Variants in OXSR1 observed in about 807,000 individuals in gnomAD.
OXSR1 encodes the protein serine/threonine-protein kinase OSR1.
OXSR1 carries 24 observed loss-of-function variants against 79.8 expected under a neutral mutation model. The ratio of observed to expected loss-of-function variants is 0.30; its 90% confidence interval spans 0.22 to 0.42. The LOEUF (loss-of-function observed/expected upper bound fraction) is 0.42, where lower values mean the gene tolerates loss of function less well. Ranked by LOEUF, OXSR1 falls within the 10% of genes least tolerant of loss-of-function variation. The pLI, the probability that OXSR1 is intolerant of heterozygous loss-of-function variation, is 1.00. For synonymous variants in OXSR1, 226 were observed against 209.2 expected (o/e 1.08, Z -0.69); for missense variants, 430 against 618.4 (o/e 0.70, Z 3.23).
chr3:38,184,118 G>T (rs138486229), intron 2 of OXSR1, among the ~76,000 whole-genome samples: 37 of 152,220 alleles, frequency 2.4e-4, no homozygotes, highest in African/African-American at 8.7e-4. Context: ...TGCCCATCCA[G>T]AAGTTTTTTT....
intron 3 of OXSR1, 69 bp downstream of exon 3, chr3:38,190,908 C>T: frequency 1.2e-6 from 1 of 849,280 alleles, no homozygotes; most frequent in South Asian, 1.5e-5. Flanking sequence ...TCCTTCTTTT[C>T]TATCCTGATT....
intron 3 of OXSR1, among the ~76,000 whole-genome samples, chr3:38,198,165 A>G (rs1702099945): frequency 1.3e-5 from 2 of 152,234 alleles, no homozygotes; most frequent in Non-Finnish European, 2.9e-5. Context: ...TTACTTAAAA[A>G]GAACTGTTAT....
rs779038528 is a variant in OXSR1 at position 38,252,310 on chromosome 3, CTGTT to C, written c.1445-14_1445-11del. The C allele has an allele frequency of 6.4e-5, 100 of 1,565,168 alleles. No individual in the cohort carries two copies. Among genetic ancestry groups the C allele is most frequent in the Middle Eastern group, 3.4e-4 (2 of 5,958 alleles). On this transcript the variant is annotated splice_polypyrimidine_tract_variant and intron_variant, in intron 16 of 17. Coordinates refer to ENST00000311806, the MANE Select transcript of OXSR1 (RefSeq NM_005109.3). ...TGTAACTTCTCATTCATTACCTTCTCTGTTTGTATGATTACAGTGGCAGCTAATT... is the reference window on the plus strand; with the variant it reads ...TGTAACTTCTCATTCATTACCTTCTCTGTATGATTACAGTGGCAGCTAATT...
At chr3:38,237,056 A>AT (rs1440388948) in intron 11 of OXSR1, 95 bp downstream of exon 11, 1 of 1,166,868 alleles carries the variant, frequency 8.6e-7, no homozygotes, top group East Asian at 2.5e-5. Context: ...TTGTAACAGG[A>AT]TTTTCTTGAA....
intron 2 of OXSR1, among the ~76,000 whole-genome samples, chr3:38,188,888 AAG>A (rs1701933716): frequency 1.3e-5 from 2 of 152,124 alleles, no homozygotes; most frequent in South Asian, 4.1e-4. Context: ...CTGTATTGTA[AAG>A]TAGTATTTGT....
At chr3:38,218,860 TC>T (rs1444249598) in intron 5 of OXSR1, among the ~76,000 whole-genome samples, 1 of 152,156 alleles carries the variant, frequency 6.6e-6, no homozygotes, top group East Asian at 1.9e-4. Flanking sequence ...ATTGCCTGAT[TC>T]CACCTTCTAT....
intron 8 of OXSR1, among the ~76,000 whole-genome samples, chr3:38,226,808 G>A (rs1702698606): frequency 6.6e-6 from 1 of 151,728 alleles, no homozygotes; most frequent in Non-Finnish European, 1.5e-5. Context: ...AAGACGTGAA[G>A]ACGGAAAGCA....
At chr3:38,178,142 G>A (rs964859262) in intron 1 of OXSR1, among the ~76,000 whole-genome samples, 1 of 152,010 alleles carries the variant, frequency 6.6e-6, no homozygotes, top group Non-Finnish European at 1.5e-5. Flanking sequence ...ATAGAGACAG[G>A]GATTCGCCAT....
At chr3:38,251,066 T>G (rs993106760) in intron 15 of OXSR1, among the ~76,000 whole-genome samples, 1 of 152,204 alleles carries the variant, frequency 6.6e-6, no homozygotes, top group African/African-American at 2.4e-5. Context: ...GACAAAAATT[T>G]TTTGAGACAA....
intron 3 of OXSR1, 80 bp downstream of exon 3, chr3:38,190,919 T>G (rs1365257000): frequency 1.3e-6 from 1 of 778,892 alleles, no homozygotes; most frequent in Non-Finnish European, 2.2e-6. Flanking sequence ...TATCCTGATT[T>G]CGTTTTCATG....
Position 38,216,159 on chromosome 3 carries a change from T to C in OXSR1, c.490+8T>C, listed in dbSNP as rs1328188825. 2.0e-6 allele frequency: 3 copies of C among 1,536,652 alleles called. No homozygotes were observed. The highest frequency in any genetic ancestry group is 2.7e-6 in the Non-Finnish European group (3 of 1,117,086). On this transcript the variant is annotated splice_region_variant and intron_variant, in intron 5 of 17. Coordinates refer to ENST00000311806, the MANE Select transcript of OXSR1 (RefSeq NM_005109.3). ...GCTCAGTACAGATTGCAGGTAATGA[T>C]TAGTATTTCTTTTTATTTGATTTAA... is the stretch of plus-strand genomic sequence containing the variant.
At chr3:38,231,486 C>T (rs1189834442) in intron 10 of OXSR1, among the ~76,000 whole-genome samples, 1 of 152,122 alleles carries the variant, frequency 6.6e-6, no homozygotes, top group Non-Finnish European at 1.5e-5. Flanking sequence ...CAAGTCTACT[C>T]AATTGGCCTT....
intron 1 of OXSR1, among the ~76,000 whole-genome samples, chr3:38,182,061 A>G (rs1204610330): frequency 6.6e-6 from 1 of 152,136 alleles, no homozygotes; most frequent in Admixed American, 6.5e-5. Flanking sequence ...TTTAATAGGT[A>G]GTTACCCTAT....
At chr3:38,167,789 C>T (rs1161994881) in intron 1 of OXSR1, among the ~76,000 whole-genome samples, 1 of 152,122 alleles carries the variant, frequency 6.6e-6, no homozygotes, top group African/African-American at 2.4e-5. Context: ...TTCTGGTTCC[C>T]CCAGTCAGAG....
chr3:38,252,310 C>T lies in OXSR1; in HGVS notation c.1445-18C>T. On this transcript the variant is annotated intron_variant, in intron 16 of 17. Transcript: ENST00000311806. ...TGTAACTTCTCATTCATTACCTTCTCTGTTTGTATGATTACAGTGGCAGCT... is the reference window on the plus strand; with the variant it reads ...TGTAACTTCTCATTCATTACCTTCTTTGTTTGTATGATTACAGTGGCAGCT... 6.4e-7 allele frequency: 1 copy of T among 1,565,170 alleles called. No individual in the cohort carries two copies. Among genetic ancestry groups the T allele is most frequent in the African/African-American group, 1.4e-5 (1 of 74,024 alleles).
intron 1 of OXSR1, among the ~76,000 whole-genome samples, chr3:38,169,406 A>G (rs1281761722): frequency 1.3e-5 from 2 of 152,008 alleles, no homozygotes; most frequent in African/African-American, 2.4e-5. Context: ...CTTGAGTTCA[A>G]GCAACTCTCC....
At chr3:38,193,241 T>C in intron 3 of OXSR1, 1 of 1,286,526 alleles carries the variant, frequency 7.8e-7, no homozygotes. Context: ...TTGATGCTTT[T>C]CAGTGTAGCC....
intron 4 of OXSR1, among the ~76,000 whole-genome samples, chr3:38,201,502 A>G (rs911384207): frequency 2.0e-5 from 3 of 152,118 alleles, no homozygotes; most frequent in African/African-American, 7.2e-5. Flanking sequence ...TGAGGTCAGA[A>G]GATTGAGACC....
In OXSR1 at chr3:38,229,692, C is replaced by G; in HGVS notation, c.842C>G (p.Thr281Arg). ...CLQKDPEKRP[T>R]AAELLRHKFF... is the part of the protein sequence containing the mutation. ...CCCTCCCTTCCTGGTTTTAGACCAA[C>G]AGCAGCAGAACTATTAAGGCACAAA... is the stretch of plus-strand genomic sequence containing the variant. Residue 281 changes from threonine to arginine, a missense_variant, in exon 9 of 18, where the codon ACA becomes AGA. Physicochemically the swap from Thr to Arg is moderately conservative, Grantham distance 71 (BLOSUM62 -1). This residue lies in a region of OXSR1 where 276 missense variants were observed against 354.2 expected (regional missense o/e 0.78). Transcript: ENST00000311806. 6 of 1,611,196 alleles carry G rather than the reference C, an allele frequency of 3.7e-6. No homozygotes were observed. The highest frequency in any genetic ancestry group is 5.1e-6 in the Non-Finnish European group (6 of 1,178,310).
Sources: allele counts gnomAD v4.1 joint callset (sites outside exome capture counted in the v4.1 genomes callset), GRCh38; gene constraint gnomAD v4.1.1; regional missense constraint gnomAD v4.1.1; transcripts MANE v1.5; gene names NCBI Gene and HGNC (gene_info 2026-07-23, HGNC 2026-07-21).